The following NAV2 variants were observed in gnomAD, a reference collection of about 807,000 sequenced individuals.
The protein encoded by NAV2 is helicase, APC down-regulated 1.
Under a neutral mutation model 223.2 loss-of-function variants are expected in NAV2, and 54 were observed. That is an observed-to-expected ratio of 0.24 (90% CI 0.19 to 0.30). NAV2 has a LOEUF of 0.30. NAV2 is among the 10% of genes least tolerant of loss of function. The probability of loss-of-function intolerance (pLI) is 1.00; values close to 1 mark genes in which losing one functional copy is unlikely to be tolerated. For missense variants in NAV2, 2,806 were observed against 3,147.5 expected (o/e 0.89, Z 2.60); for synonymous variants, 1,279 against 1,239.3 (o/e 1.03, Z -0.67).
At chr11:19,960,952 G>A (rs1248240472) in intron 10 of NAV2, among the ~76,000 whole-genome samples, 2 of 152,006 alleles carry the variant, frequency 1.3e-5, no homozygotes, top group Non-Finnish European at 2.9e-5. Flanking sequence ...TGGTCTGCAG[G>A]CATCTTCTTT....
At chr11:20,051,204 C>T in intron 16 of NAV2, 85 bp from the exon 17 acceptor site, 3 of 1,106,200 alleles carry the variant, frequency 2.7e-6, no homozygotes, top group African/African-American at 3.1e-5. Flanking sequence ...TCTCCAGGGC[C>T]CTTCAGTCCC....
intron 1 of NAV2, among the ~76,000 whole-genome samples, chr11:19,538,750 T>A (rs943206734): frequency 2.0e-5 from 3 of 152,104 alleles, no homozygotes; most frequent in African/African-American, 7.2e-5. Context: ...TTGAACTTTT[T>A]AAATCTTGAA....
At chr11:19,412,525 T>A (rs1346603221) in intron 1 of NAV2, among the ~76,000 whole-genome samples, 1 of 151,840 alleles carries the variant, frequency 6.6e-6, no homozygotes, top group Non-Finnish European at 1.5e-5. Context: ...TGCTGAAACG[T>A]CTCTCTGAAG....
At chr11:19,956,021 G>A (rs546175271) in intron 10 of NAV2, among the ~76,000 whole-genome samples, 6 of 152,256 alleles carry the variant, frequency 3.9e-5, no homozygotes, top group South Asian at 4.2e-4. Context: ...CCACTGAAAC[G>A]ATCTTGGCTT....
intron 1 of NAV2, among the ~76,000 whole-genome samples, chr11:19,674,941 TG>T (rs1028845268): frequency 1.3e-5 from 2 of 152,176 alleles, no homozygotes; most frequent in African/African-American, 2.4e-5. Flanking sequence ...TTATGGAGTT[TG>T]GGTGAGAATC....
At position 20,117,046 on chromosome 11, in the gene NAV2, C is replaced by T. The variant is rs1457453738; in HGVS notation, c.7165-1087C>T. ...CACCAGATGATGGTGCTTCTGCAGC[C>T]TGGCGCATCTGGGTAGACTCTGCAA... is the stretch of plus-strand genomic sequence containing the variant. On this transcript the variant is annotated intron_variant, in intron 37 of 37. Transcript: ENST00000349880. Among the ~76,000 whole-genome samples the T allele has an allele frequency of 3.3e-5, 5 of 152,264 alleles. No homozygotes were observed. The East Asian group carries it at 9.7e-4, about 29-fold the overall frequency.
intron 1 of NAV2, among the ~76,000 whole-genome samples, chr11:19,458,807 G>A (rs956462401): frequency 2.0e-5 from 3 of 152,250 alleles, no homozygotes; most frequent in South Asian, 2.1e-4. Flanking sequence ...CACCTTTCTA[G>A]TCATACCTCC....
chr11:19,953,916 A>G (rs1258928477), intron 10 of NAV2, among the ~76,000 whole-genome samples: 1 of 152,178 alleles, frequency 6.6e-6, no homozygotes, highest in African/African-American at 2.4e-5. Flanking sequence ...CCTAGCAGGC[A>G]GACAGCACTC....
chr11:19,997,271 A>G (rs368139082), intron 11 of NAV2, among the ~76,000 whole-genome samples: 12 of 152,324 alleles, frequency 7.9e-5, no homozygotes, highest in African/African-American at 2.9e-4. Flanking sequence ...AAGCTGGTGG[A>G]GCACTATGTG....
intron 10 of NAV2, among the ~76,000 whole-genome samples, chr11:19,954,895 GTA>G (rs959017960): frequency 2.8e-5 from 4 of 140,494 alleles, no homozygotes; most frequent in South Asian, 4.4e-4. Context: ...GTATGTATGT[GTA>G]TATATATGTG....
At chr11:19,680,678 T>C (rs763421173) in intron 1 of NAV2, among the ~76,000 whole-genome samples, 1 of 152,238 alleles carries the variant, frequency 6.6e-6, no homozygotes, top group Non-Finnish European at 1.5e-5. Flanking sequence ...TTTCCTTATC[T>C]GCAAAATGGG....
chr11:19,648,249 G>T (rs1433602556), intron 1 of NAV2, among the ~76,000 whole-genome samples: 1 of 151,966 alleles, frequency 6.6e-6, no homozygotes, highest in Non-Finnish European at 1.5e-5. Context: ...GTTATTTTAG[G>T]TCTATTGTTT....
At chr11:19,418,619 G>C (rs1175521455) in intron 1 of NAV2, among the ~76,000 whole-genome samples, 2 of 152,198 alleles carry the variant, frequency 1.3e-5, no homozygotes, top group Non-Finnish European at 2.9e-5. Context: ...GGAACTGAAA[G>C]ACCTGTGGAT....
chr11:19,425,086 A>G, intron 1 of NAV2, among the ~76,000 whole-genome samples: 1 of 152,188 alleles, frequency 6.6e-6, no homozygotes, highest in East Asian at 1.9e-4. Context: ...CCTTGTGTTT[A>G]TAAGACTACG....
chr11:19,787,913 A>G (rs775180491), intron 1 of NAV2, among the ~76,000 whole-genome samples: 13 of 152,216 alleles, frequency 8.5e-5, no homozygotes, highest in Non-Finnish European at 1.9e-4. Context: ...ATGAGTAGCT[A>G]GCTTTTCCTG....
rs1321535300 is a variant in NAV2, at chr11:19,986,517, GA to G, written c.2768+2271del. ...CAACTGTAATCCCAGCTACTCGGGA[GA>G]GGGAGGCATGAGAATTGCTTGAACC... On this transcript the variant is annotated intron_variant, in intron 11 of 37. Transcript: ENST00000349880. Among the ~76,000 whole-genome samples, 4 of 151,790 alleles carry G rather than the reference GA, an allele frequency of 2.6e-5. No homozygotes were observed. In the East Asian group the frequency reaches 7.7e-4, roughly 29 times the overall value.
intron 1 of NAV2, among the ~76,000 whole-genome samples, chr11:19,639,987 C>T (rs1039786448): frequency 2.6e-5 from 4 of 152,208 alleles, no homozygotes; most frequent in Non-Finnish European, 5.9e-5. Context: ...AACCCGGCTT[C>T]TGCTCACTTG....
intron 30 of NAV2, among the ~76,000 whole-genome samples, 168 bp downstream of exon 30, chr11:20,095,935 G>C (rs1239386832): frequency 6.6e-6 from 1 of 152,210 alleles, no homozygotes; most frequent in African/African-American, 2.4e-5. Context: ...GGGAATGGAA[G>C]GACAATGGTA....
chr11:19,694,904 C>T (rs1417827922), intron 1 of NAV2, among the ~76,000 whole-genome samples: 3 of 152,186 alleles, frequency 2.0e-5, no homozygotes, highest in Non-Finnish European at 4.4e-5. Flanking sequence ...TGACATGTTC[C>T]TCCACTGTCC....
Sources: gnomAD v4.1 joint callset for allele counts (sites outside exome capture counted in the v4.1 genomes callset) on GRCh38, gnomAD v4.1.1 for gene constraint, MANE v1.5 for transcripts, NCBI Gene and HGNC (gene_info 2026-07-23, HGNC 2026-07-21) for gene names.